PPM1D: variants seen among roughly 807,000 people sequenced by gnomAD.
The protein encoded by PPM1D is protein phosphatase 1D.
PPM1D carries 52 observed loss-of-function variants against 58.3 expected under a neutral mutation model. That is an observed-to-expected ratio of 0.89 (90% CI 0.71 to 1.12). PPM1D has a LOEUF of 1.12. Ranked by LOEUF, PPM1D falls within the 50% of genes most tolerant of loss-of-function variation. PPM1D has a pLI of 0.00. For synonymous variants in PPM1D, 278 were observed against 285.1 expected (o/e 0.98, Z 0.25); for missense variants, 564 against 777.2 (o/e 0.73, Z 3.26).
intron 5 of PPM1D, among the ~76,000 whole-genome samples, chr17:60,661,219 C>CAA (rs373913706): frequency 0.077 from 3,773 of 48,712 alleles, 327 homozygotes; most frequent in African/African-American, 0.21. Context: ...AACTCCATCT[C>CAA]AAAAAAAAAA....
intron 3 of PPM1D, among the ~76,000 whole-genome samples, chr17:60,641,080 T>C (rs1212410438): frequency 6.6e-6 from 1 of 152,206 alleles, no homozygotes; most frequent in Non-Finnish European, 1.5e-5. Context: ...GCATGTGTCT[T>C]TTTGTAGAGC....
chr17:60,659,639 G>A (rs1364036686), intron 5 of PPM1D, among the ~76,000 whole-genome samples: 4 of 152,222 alleles, frequency 2.6e-5, no homozygotes, highest in Non-Finnish European at 5.9e-5. Context: ...TTGGATTACA[G>A]GGTAGATGGG....
chr17:60,655,415 C>T (rs2031419133), intron 4 of PPM1D, among the ~76,000 whole-genome samples: 1 of 152,224 alleles, frequency 6.6e-6, no homozygotes, highest in Admixed American at 6.5e-5. Flanking sequence ...GTGGCGTGAT[C>T]TCGGCTCACT....
chr17:60,645,456 ATGTGTGTG>A lies in PPM1D; in HGVS notation c.827-2406_827-2399del, dbSNP rs371276467. Among the ~76,000 whole-genome samples the A allele has an allele frequency of 5.5e-3, 680 of 123,930 alleles. 1 individual carries two copies. The highest frequency in any genetic ancestry group is 8.8e-3 in the Admixed American group (101 of 11,448). The allele number at this position is 123,930 out of a possible 152,430, so 81.3% of individuals were successfully genotyped here. A position where few individuals can be genotyped will look rare whatever the true frequency, so the allele number is the denominator to read the frequency against. On this transcript the variant is annotated intron_variant, in intron 3 of 5. Transcript: ENST00000305921. ...TTCACCAAAGCAATGTAAAATATAT[ATGTGTGTG>A]TGTGTGTGTGTGTGTGTGTGTGTGT...
rs1180417777 is a variant in PPM1D at position 60,647,499 on chromosome 17, AAAT to A, written c.827-388_827-386del. ...TCCATGTATAAATGAAATTATCTGC[AAAT>A]AATATTAGTATTATTTTCTCCTTTC... is the stretch of plus-strand genomic sequence containing the variant. On this transcript the variant is annotated intron_variant, in intron 3 of 5. Coordinates refer to ENST00000305921, the MANE Select transcript of PPM1D (RefSeq NM_003620.4). 2.0e-5 allele frequency among the ~76,000 whole-genome samples: 3 copies of A among 152,148 alleles called. No homozygotes were observed. The East Asian group carries it at 5.8e-4, about 29-fold the overall frequency.
chr17:60,615,874 A>G (rs1335473855), intron 1 of PPM1D, among the ~76,000 whole-genome samples: 2 of 151,944 alleles, frequency 1.3e-5, no homozygotes, highest in Admixed American at 1.3e-4. Context: ...GGAGTATAGT[A>G]GCTATTCACG....
chr17:60,611,554 G>T (rs926222769), intron 1 of PPM1D, among the ~76,000 whole-genome samples: 5 of 152,128 alleles, frequency 3.3e-5, no homozygotes, highest in Non-Finnish European at 7.4e-5. Flanking sequence ...GAGTAGCTGG[G>T]ATTACAGGCA....
intron 1 of PPM1D, among the ~76,000 whole-genome samples, chr17:60,611,001 C>G (rs2030441875): frequency 6.6e-6 from 1 of 152,198 alleles, no homozygotes; most frequent in African/African-American, 2.4e-5. Flanking sequence ...TTCCCTGATT[C>G]CTCATAAGAT....
chr17:60,654,985 A>G (rs987801811), intron 4 of PPM1D, among the ~76,000 whole-genome samples: 14 of 152,180 alleles, frequency 9.2e-5, no homozygotes, highest in Non-Finnish European at 5.9e-5. Flanking sequence ...AAATTCATAT[A>G]TGACACTGGA....
At chr17:60,661,269 ATT>A (rs2031522352) in intron 5 of PPM1D, among the ~76,000 whole-genome samples, 1 of 149,258 alleles carries the variant, frequency 6.7e-6, no homozygotes, top group South Asian at 2.1e-4. Flanking sequence ...AGGAGATTTT[ATT>A]TCGGAGAAAG....
At position 60,663,018 on chromosome 17, in the gene PPM1D, AAGGG is replaced by A; in HGVS notation, c.1285_1288del (p.Arg429Ter). 6.2e-7 allele frequency: 1 copy of A among 1,610,700 alleles called. No individual in the cohort carries two copies. Among genetic ancestry groups the A allele is most frequent in the Non-Finnish European group, 8.5e-7 (1 of 1,178,312 alleles). On this transcript the variant is annotated frameshift_variant, in exon 6 of 6. Coordinates refer to ENST00000305921, the MANE Select transcript of PPM1D (RefSeq NM_003620.4). LOFTEE classifies it high-confidence loss of function. ...AGTCACTGGAGGAGGATCCATGGCC[AAGGG>A]TGAATTCTAAGGACCATATACCTGC...
chr17:60,656,876 A>G, intron 5 of PPM1D, 35 bp downstream of exon 5: 2 of 1,612,758 alleles, frequency 1.2e-6, no homozygotes. Flanking sequence ...TTATGTTTTA[A>G]TAGACACCAG....
At chr17:60,653,141 G>C (rs2031374693) in intron 4 of PPM1D, among the ~76,000 whole-genome samples, 1 of 152,156 alleles carries the variant, frequency 6.6e-6, no homozygotes, top group South Asian at 2.1e-4. Context: ...TGAGATCAAA[G>C]TAGATCTCAC....
intron 4 of PPM1D, among the ~76,000 whole-genome samples, chr17:60,650,980 A>G (rs1344210378): frequency 6.6e-6 from 1 of 152,138 alleles, no homozygotes; most frequent in East Asian, 1.9e-4. Context: ...AAAACTTGGG[A>G]GGGAAGCGTG....
chr17:60,635,221 G>GT (rs556592505), intron 3 of PPM1D, among the ~76,000 whole-genome samples: 366 of 144,038 alleles, frequency 2.5e-3, no homozygotes, highest in Middle Eastern at 3.6e-3. Flanking sequence ...CATATGGGTT[G>GT]TTTTTTTTTT....
chr17:60,626,526 C>A (rs1017717431), intron 2 of PPM1D, among the ~76,000 whole-genome samples: 1 of 151,762 alleles, frequency 6.6e-6, no homozygotes, highest in African/African-American at 2.4e-5. Flanking sequence ...TCTCTAGTAG[C>A]TGGGACTACA....
rs186383191 is a variant in PPM1D at position 60,656,325 on chromosome 17, C to T, written c.1018-274C>T. Among the ~76,000 whole-genome samples, 561 of 151,178 alleles carry T rather than the reference C, an allele frequency of 3.7e-3. 2 individuals carry two copies. Among genetic ancestry groups the T allele is most frequent in the African/African-American group, 0.013 (530 of 41,182 alleles). On this transcript the variant is annotated intron_variant, in intron 4 of 5. Coordinates refer to ENST00000305921, the MANE Select transcript of PPM1D (RefSeq NM_003620.4). Reference sequence around the variant, plus strand: ...AAAATTAGCCGGCCATGGTGGCGGGCGCCTGTAGTCCTAGCTACTCGGGAG... The same window carrying T: ...AAAATTAGCCGGCCATGGTGGCGGGTGCCTGTAGTCCTAGCTACTCGGGAG...
chr17:60,614,557 C>T (rs1269477067), intron 1 of PPM1D, among the ~76,000 whole-genome samples: 4 of 152,140 alleles, frequency 2.6e-5, no homozygotes, highest in African/African-American at 9.7e-5. Context: ...AAAGCAGGCT[C>T]AGCCAACATT....
intron 4 of PPM1D, among the ~76,000 whole-genome samples, chr17:60,648,798 C>T (rs575056896): frequency 3.4e-5 from 5 of 146,950 alleles, no homozygotes; most frequent in Admixed American, 6.8e-5. Context: ...GTGTCTCGCT[C>T]TGTTACCGAG....
Sources: allele counts gnomAD v4.1 joint callset (sites outside exome capture counted in the v4.1 genomes callset), GRCh38; gene constraint gnomAD v4.1.1; transcripts MANE v1.5; gene names NCBI Gene and HGNC (gene_info 2026-07-23, HGNC 2026-07-21).